The following DNAH9 variants were observed in gnomAD, a reference collection of about 807,000 sequenced individuals.
DNAH9 encodes DNAH9 variant protein.
Under a neutral mutation model 471.6 loss-of-function variants are expected in DNAH9, and 345 were observed. That is an observed-to-expected ratio of 0.73 (90% CI 0.67 to 0.80). The LOEUF (loss-of-function observed/expected upper bound fraction) is 0.80. DNAH9 is among the 30% of genes least tolerant of loss of function. The pLI is 0.00. For synonymous variants in DNAH9, 2,093 were observed against 2,123.6 expected (o/e 0.99, Z 0.40); for missense variants, 5,407 against 5,609.2 (o/e 0.96, Z 1.15).
chr17:11,876,439 A>G (rs2150990265), intron 53 of DNAH9, among the ~76,000 whole-genome samples: 1 of 152,300 alleles, frequency 6.6e-6, no homozygotes, highest in Admixed American at 6.5e-5. Flanking sequence ...ATGTTTTCAA[A>G]GAAAACAATT....
intron 50 of DNAH9, 145 bp from the exon 51 acceptor site, chr17:11,868,989 C>T: frequency 2.1e-6 from 2 of 966,066 alleles, no homozygotes; most frequent in Non-Finnish European, 3.0e-6. Context: ...TCATTTCGTT[C>T]TCTGCCCTGC....
intron 26 of DNAH9, among the ~76,000 whole-genome samples, chr17:11,708,016 G>C (rs8078728): frequency 1.2e-3 from 69 of 58,726 alleles, no homozygotes; most frequent in African/African-American, 2.6e-3. Flanking sequence ...CACACACACA[G>C]AGAGAGAGAG....
In DNAH9 at chr17:11,606,453, C is replaced by CT. The variant is rs57831450; in HGVS notation, c.418-1662dup. ...TCTTTCTTTTCTTTTCTTTTCTTTT[C>CT]TTTTTTTTTTTTTTGAGACAGAGTC... On this transcript the variant is annotated intron_variant, in intron 1 of 68. Coordinates refer to ENST00000262442, the MANE Select transcript of DNAH9 (RefSeq NM_001372.4). Among the ~76,000 whole-genome samples the CT allele has an allele frequency of 3.6e-4, 36 of 99,074 alleles. 1 individual carries two copies. The highest frequency in any genetic ancestry group is 1.4e-3 in the African/African-American group (33 of 24,318). 65.0% of individuals were successfully genotyped at this position (99,074 alleles called of 152,430 possible). A position where few individuals can be genotyped will look rare whatever the true frequency, so the allele number is the denominator to read the frequency against.
chr17:11,675,542 T>C (rs2074035623), intron 17 of DNAH9, among the ~76,000 whole-genome samples: 1 of 152,234 alleles, frequency 6.6e-6, no homozygotes, highest in Non-Finnish European at 1.5e-5. Flanking sequence ...GCTTTTAACA[T>C]TTCACTGCTG....
At chr17:11,686,232 T>C (rs1432567664) in intron 19 of DNAH9, among the ~76,000 whole-genome samples, 3 of 152,126 alleles carry the variant, frequency 2.0e-5, no homozygotes, top group East Asian at 1.9e-4. Flanking sequence ...TATTCCTCTC[T>C]CTCTAGGCTC....
intron 1 of DNAH9, among the ~76,000 whole-genome samples, chr17:11,599,249 T>C (rs78389613): frequency 0.015 from 2,271 of 152,094 alleles, 66 homozygotes; most frequent in African/African-American, 0.052. Context: ...GGGAAGACCA[T>C]AATCTGAAGA....
chr17:11,856,316 C>T (rs1971624218), intron 50 of DNAH9, among the ~76,000 whole-genome samples: 1 of 152,046 alleles, frequency 6.6e-6, no homozygotes, highest in Non-Finnish European at 1.5e-5. Context: ...ATGCTGTATG[C>T]CACGTGACAT....
intron 50 of DNAH9, among the ~76,000 whole-genome samples, chr17:11,857,300 T>A (rs1252144445): frequency 1.3e-5 from 2 of 152,162 alleles, no homozygotes; most frequent in Non-Finnish European, 2.9e-5. Context: ...TGCCAAAATA[T>A]TTTCTGGAAA....
intron 59 of DNAH9, among the ~76,000 whole-genome samples, chr17:11,899,277 GT>G (rs1325773261): frequency 1.5e-4 from 23 of 151,922 alleles, no homozygotes; most frequent in Non-Finnish European, 3.1e-4. Flanking sequence ...TGAAATCTTT[GT>G]GATAAAATAC....
At chr17:11,722,004 G>T (rs1356342469) in intron 27 of DNAH9, among the ~76,000 whole-genome samples, 1 of 152,144 alleles carries the variant, frequency 6.6e-6, no homozygotes, top group African/African-American at 2.4e-5. Flanking sequence ...CCATGACCAA[G>T]TTCTATGTGT....
chr17:11,919,396 G>C (rs1448060447), intron 61 of DNAH9, among the ~76,000 whole-genome samples: 1 of 151,216 alleles, frequency 6.6e-6, no homozygotes, highest in African/African-American at 2.4e-5. Context: ...TCGGGAGGCT[G>C]AGGCAGGAGA....
At position 11,930,078 on chromosome 17, in the gene DNAH9, G is replaced by A; in HGVS notation, c.12090G>A (p.Leu4030=). Reference sequence around the variant, plus strand: ...TGCATGCCAACCTGCACAAGGCCCTGGACAACTTCACTCAGGTACGGCCCC... The same window carrying A: ...TGCATGCCAACCTGCACAAGGCCCTAGACAACTTCACTCAGGTACGGCCCC... ...TGMHANLHKA[L]DNFTQDTLEM... The change falls in exon 63 of 69, where the codon CTG becomes CTA. Residue 4030 remains leucine (L), a synonymous_variant. Coordinates refer to ENST00000262442, the MANE Select transcript of DNAH9 (RefSeq NM_001372.4). The A allele has an allele frequency of 6.2e-7, 1 of 1,613,900 alleles. No homozygotes were observed. Among genetic ancestry groups the A allele is most frequent in the South Asian group, 1.1e-5 (1 of 91,030 alleles).
chr17:11,666,066 G>T (rs187778356), intron 15 of DNAH9, among the ~76,000 whole-genome samples: 58 of 152,302 alleles, frequency 3.8e-4, no homozygotes, highest in African/African-American at 1.3e-3. Flanking sequence ...AGGAAATCCA[G>T]CATAGTTAGC....
intron 28 of DNAH9, among the ~76,000 whole-genome samples, chr17:11,731,417 C>A (rs971354134): frequency 6.7e-6 from 1 of 149,908 alleles, no homozygotes; most frequent in African/African-American, 2.5e-5. Flanking sequence ...TTAAATTATA[C>A]TTTAAGTTTT....
At chr17:11,724,957 G>A (rs958441783) in intron 27 of DNAH9, among the ~76,000 whole-genome samples, 5 of 152,192 alleles carry the variant, frequency 3.3e-5, no homozygotes, top group African/African-American at 1.2e-4. Flanking sequence ...ATGGGAGACA[G>A]TGACAGATCA....
In DNAH9 at chr17:11,752,978, A is replaced by G. The variant is rs910375544; in HGVS notation, c.6738+18A>G. 3.9e-6 allele frequency: 6 copies of G among 1,547,976 alleles called. No individual in the cohort carries two copies. In the African/African-American group the frequency reaches 8.2e-5, roughly 21 times the overall value. ...ATAACAAGGTATGAAATTGGGGGATATCCCTAGATCATTTCTAATCACCTG... is the reference window on the plus strand; with the variant it reads ...ATAACAAGGTATGAAATTGGGGGATGTCCCTAGATCATTTCTAATCACCTG... On this transcript the variant is annotated intron_variant, in intron 33 of 68. Coordinates refer to ENST00000262442, the MANE Select transcript of DNAH9 (RefSeq NM_001372.4).
intron 14 of DNAH9, among the ~76,000 whole-genome samples, chr17:11,653,251 G>A (rs756024004): frequency 6.6e-6 from 1 of 152,062 alleles, no homozygotes; most frequent in Admixed American, 6.5e-5. Flanking sequence ...ACATGACTTC[G>A]GTCTCACACC....
chr17:11,679,098 T>A (rs2074093219), intron 17 of DNAH9, among the ~76,000 whole-genome samples: 1 of 152,216 alleles, frequency 6.6e-6, no homozygotes, highest in Non-Finnish European at 1.5e-5. Flanking sequence ...TTTTTCACAT[T>A]TTAAGCCTTC....
At position 11,894,426 on chromosome 17, in the gene DNAH9, G is replaced by T; in HGVS notation, c.11336G>T (p.Arg3779Leu). The T allele has an allele frequency of 6.8e-6, 11 of 1,614,004 alleles. No individual in the cohort carries two copies. Among genetic ancestry groups the T allele is most frequent in the Non-Finnish European group, 9.3e-6 (11 of 1,179,984 alleles). The part of the protein sequence containing the change: ...VNAVELDFLL[R>L]SPVQTGTASP... ...GCAGTGGAGTTGGATTTCCTGCTTC[G>T]ATCTCCAGTGCAGACGGGCACCGCC... Residue 3779 changes from arginine to leucine, a missense_variant, in exon 59 of 69, where the codon CGA becomes CTA. Arg to Leu is a moderately radical substitution (Grantham distance 102). Around this residue, in one of 3 missense-constraint regions of DNAH9, gnomAD observed 4,636 missense variants for 4,900.3 expected, o/e 0.95. Coordinates refer to ENST00000262442, the MANE Select transcript of DNAH9 (RefSeq NM_001372.4).
Sources: gnomAD v4.1 joint callset for allele counts (sites outside exome capture counted in the v4.1 genomes callset) on GRCh38, gnomAD v4.1.1 for gene constraint, gnomAD v4.1.1 regional missense constraint, MANE v1.5 for transcripts, NCBI Gene and HGNC (gene_info 2026-07-23, HGNC 2026-07-21) for gene names.